TPTE2: variants seen among roughly 807,000 people sequenced by gnomAD.
TPTE2 encodes the protein phosphatidylinositol 3,4,5-trisphosphate 3-phosphatase TPTE2.
A neutral mutation model predicts 78.6 loss-of-function variants in TPTE2; 53 were observed. The observed-to-expected ratio is 0.67, with a 90% CI of 0.54 to 0.85. The LOEUF (loss-of-function observed/expected upper bound fraction) is 0.85, where lower values mean the gene tolerates loss of function less well. Ranked by LOEUF, TPTE2 falls within the 40% of genes least tolerant of loss-of-function variation. The pLI is 0.00. For synonymous variants in TPTE2, 175 were observed against 206.2 expected (o/e 0.85, Z 1.30); for missense variants, 461 against 623.0 (o/e 0.74, Z 2.77).
At chr13:19,464,519 T>A (rs1297778664) in exon 10 of TPTE2, 1 of 1,612,594 alleles carries the variant, frequency 6.2e-7, no homozygotes, top group South Asian at 1.1e-5. Context: ...CAATAATACG[T>A]TCTGAAAGTC....
In TPTE2 at chr13:19,445,945, C is replaced by CA. The variant is rs1416582129; in HGVS notation, c.973+4130dup. ...GACAGAGTGAGACCTTATCTCAAAA[C>CA]AAAAAACAAAAAACATAATTTATCA... On this transcript the variant is annotated intron_variant, in intron 13 of 19. Transcript: ENST00000400230. Among the ~76,000 whole-genome samples the CA allele has an allele frequency of 1.3e-3, 190 of 148,142 alleles. 1 individual carries two copies. Among genetic ancestry groups the CA allele is most frequent in the African/African-American group, 4.5e-3 (171 of 38,290 alleles).
the TPTE2 span, chr13:19,561,006 C>G: frequency 6.3e-7 from 1 of 1,577,696 alleles, no homozygotes; most frequent in African/African-American, 1.3e-5. Context: ...CCGGAGGCCA[C>G]GTCCCCACAG....
intron 4 of TPTE2, among the ~76,000 whole-genome samples, chr13:19,479,736 G>A (rs1409042540): frequency 6.6e-6 from 1 of 152,062 alleles, no homozygotes. Context: ...GGCCAAGGTG[G>A]GCGGATCATG....
chr13:19,439,238 C>A (rs1351205214), intron 13 of TPTE2, among the ~76,000 whole-genome samples: 2 of 152,104 alleles, frequency 1.3e-5, no homozygotes, highest in Non-Finnish European at 2.9e-5. Flanking sequence ...AAGTACACAG[C>A]CAGCGGCACT....
intron 1 of TPTE2, among the ~76,000 whole-genome samples, chr13:19,531,214 C>T (rs1204948389): frequency 6.6e-6 from 1 of 152,168 alleles, no homozygotes; most frequent in African/African-American, 2.4e-5. Context: ...TTCCATTGTA[C>T]ATCTATACCT....
intron 1 of TPTE2, among the ~76,000 whole-genome samples, chr13:19,536,061 C>T (rs1398815570): frequency 2.6e-5 from 4 of 152,132 alleles, no homozygotes; most frequent in Non-Finnish European, 5.9e-5. Context: ...AAGCATATAA[C>T]GAATGCCAAC....
intron 1 of TPTE2, among the ~76,000 whole-genome samples, chr13:19,528,411 A>C (rs567230246): frequency 6.6e-6 from 1 of 152,004 alleles, no homozygotes; most frequent in South Asian, 2.1e-4. Context: ...GCCTATTTAT[A>C]TACTTATTTA....
At position 19,425,866 on chromosome 13, in the gene TPTE2, C is replaced by T. The variant is rs1269672470; in HGVS notation, c.1395+559G>A. ...TAATAAAAAACTGCTTTGGTTATTT[C>T]GTGTGTTGTATTGTGCTGCCTTCTC... On this transcript the variant is annotated intron_variant, in intron 18 of 19. Transcript: ENST00000400230. 1.4e-5 allele frequency: 7 copies of T among 517,644 alleles called. No individual in the cohort carries two copies. In the East Asian group the frequency reaches 2.2e-4, roughly 16 times the overall value. 32.1% of individuals were successfully genotyped at this position (517,644 alleles called of 1,614,324 possible). A position where few individuals can be genotyped will look rare whatever the true frequency, so the allele number is the denominator to read the frequency against.
In TPTE2 at chr13:19,465,326, T is replaced by A. The variant is rs1243072266; in HGVS notation, c.613-8A>T. 2 of 1,613,596 alleles carry A rather than the reference T, an allele frequency of 1.2e-6. No homozygotes were observed. Among genetic ancestry groups the A allele is most frequent in the East Asian group, 4.5e-5 (2 of 44,834 alleles). On this transcript the variant is annotated splice_region_variant and splice_polypyrimidine_tract_variant and intron_variant, in intron 8 of 19. Coordinates refer to ENST00000400230, the Ensembl canonical transcript of TPTE2. Reference sequence around the variant, plus strand: ...CCTTTTGTTTTCTGAAACCTGAGAGTTTAAAATCATCATTAGTTTGTGAAA... The same window carrying A: ...CCTTTTGTTTTCTGAAACCTGAGAGATTAAAATCATCATTAGTTTGTGAAA...
chr13:19,426,710 T>G (rs1876119160), intron 17 of TPTE2, among the ~76,000 whole-genome samples, 193 bp from the exon 21 acceptor site: 1 of 152,222 alleles, frequency 6.6e-6, no homozygotes. Context: ...TGTTTTCATT[T>G]GTTTTTTGTT....
At chr13:19,546,787 G>A in the TPTE2 span, among the ~76,000 whole-genome samples, 1 of 151,796 alleles carries the variant, frequency 6.6e-6, no homozygotes, top group Non-Finnish European at 1.5e-5. Flanking sequence ...ACCACACCCA[G>A]CCCAACAAAG....
intron 1 of TPTE2, among the ~76,000 whole-genome samples, chr13:19,500,540 A>C (rs1376480160): frequency 6.6e-6 from 1 of 152,094 alleles, no homozygotes; most frequent in African/African-American, 2.4e-5. Context: ...ACAGAGCCAA[A>C]GACAAAAACC....
At chr13:19,446,091 ATAT>A (rs1212408889) in intron 13 of TPTE2, among the ~76,000 whole-genome samples, 1 of 152,242 alleles carries the variant, frequency 6.6e-6, no homozygotes, top group Non-Finnish European at 1.5e-5. Flanking sequence ...AAAGTATAAA[ATAT>A]TATTAAAGAA....
chr13:19,495,416 A>T (rs1881244152), intron 1 of TPTE2, among the ~76,000 whole-genome samples: 2 of 152,204 alleles, frequency 1.3e-5, no homozygotes, highest in African/African-American at 4.8e-5. Context: ...CCACACTACT[A>T]GCACAGTCTC....
exon 1 of TPTE2, chr13:19,536,629 G>A (rs1217519373): frequency 1.3e-5 from 2 of 152,128 alleles, no homozygotes; most frequent in African/African-American, 4.8e-5. Flanking sequence ...AAATTTGTCT[G>A]TGATGATGTG....
At chr13:19,522,442 T>C (rs2137722627) in intron 1 of TPTE2, among the ~76,000 whole-genome samples, 2 of 152,284 alleles carry the variant, frequency 1.3e-5, no homozygotes, top group Middle Eastern at 3.4e-3. Flanking sequence ...AGTTTTGCTG[T>C]CAAAAGCTGC....
At chr13:19,560,113 G>A in the TPTE2 span, 1 of 549,790 alleles carries the variant, frequency 1.8e-6, no homozygotes. Flanking sequence ...TTTGCCCGCT[G>A]TCTGGTGGAG....
At chr13:19,553,012 A>C in the TPTE2 span, among the ~76,000 whole-genome samples, 2 of 151,412 alleles carry the variant, frequency 1.3e-5, no homozygotes, top group Non-Finnish European at 2.9e-5. Flanking sequence ...TGTTTTTTGT[A>C]CAATATGTGA....
the TPTE2 span, among the ~76,000 whole-genome samples, chr13:19,548,936 T>C: frequency 3.9e-5 from 6 of 151,938 alleles, no homozygotes; most frequent in Non-Finnish European, 7.4e-5. Flanking sequence ...CTGGCCAACA[T>C]GGCAAAACCC....
Sources: gnomAD v4.1 joint callset for allele counts (sites outside exome capture counted in the v4.1 genomes callset) on GRCh38, gnomAD v4.1.1 for gene constraint, MANE v1.5 for transcripts, NCBI Gene and HGNC (gene_info 2026-07-23, HGNC 2026-07-21) for gene names.